TRPM3: variants seen among roughly 807,000 people sequenced by gnomAD.
The protein encoded by TRPM3 is transient receptor potential cation channel subfamily M member 3.
TRPM3 carries 77 observed loss-of-function variants against 181.2 expected under a neutral mutation model. The observed-to-expected ratio is 0.42, with a 90% CI of 0.35 to 0.51. TRPM3 has a LOEUF of 0.51. TRPM3 is among the 20% of genes least tolerant of loss of function. TRPM3 has a pLI of 0.01. For synonymous variants in TRPM3, 745 were observed against 796.4 expected (o/e 0.94, Z 1.09); for missense variants, 1,759 against 2,196.7 (o/e 0.80, Z 3.98).
intron 21 of TRPM3, among the ~76,000 whole-genome samples, chr9:70,597,855 A>G (rs2059292209): frequency 6.6e-6 from 1 of 152,218 alleles, no homozygotes; most frequent in African/African-American, 2.4e-5. Context: ...AATCAGCACA[A>G]ATAAATTATG....
At chr9:70,595,474 T>A (rs946336646) in intron 21 of TRPM3, among the ~76,000 whole-genome samples, 1 of 152,184 alleles carries the variant, frequency 6.6e-6, no homozygotes, top group Non-Finnish European at 1.5e-5. Flanking sequence ...AAATATCCTA[T>A]GATACACAGG....
chr9:70,602,383 A>G (rs904732053), intron 20 of TRPM3, among the ~76,000 whole-genome samples: 2 of 152,024 alleles, frequency 1.3e-5, no homozygotes, highest in East Asian at 1.9e-4. Context: ...GAAGTTGTGG[A>G]TTTGTAGGAG....
chr9:71,331,646 G>A (rs2090119802), intron 1 of TRPM3, among the ~76,000 whole-genome samples: 1 of 149,188 alleles, frequency 6.7e-6, no homozygotes, highest in Non-Finnish European at 1.5e-5. Context: ...AAAGGAGGAG[G>A]AAGAAGAGGA....
intron 1 of TRPM3, among the ~76,000 whole-genome samples, chr9:71,389,350 G>A (rs918929787): frequency 6.6e-6 from 1 of 151,810 alleles, no homozygotes; most frequent in Non-Finnish European, 1.5e-5. Flanking sequence ...TCGTGTGGAT[G>A]CGGTGATCAG....
At chr9:70,913,228 A>C (rs1414488024) in intron 1 of TRPM3, among the ~76,000 whole-genome samples, 1 of 152,180 alleles carries the variant, frequency 6.6e-6, no homozygotes, top group Non-Finnish European at 1.5e-5. Context: ...TTCCTCTGAC[A>C]TCATTCTGAG....
intron 1 of TRPM3, among the ~76,000 whole-genome samples, chr9:71,060,591 A>G (rs985824162): frequency 1.2e-4 from 19 of 152,222 alleles, no homozygotes; most frequent in Admixed American, 1.2e-3. Flanking sequence ...TTACTGTGCA[A>G]TTGTAAGATT....
At position 70,537,194 on chromosome 9, in the gene TRPM3, T is replaced by C. The variant is rs141432142; in HGVS notation, c.3919A>G (p.Ile1307Val). The change falls in exon 26 of 26, where the codon ATT (isoleucine) becomes GTT (valine). Residue 1307 changes from isoleucine (I) to valine (V), a missense_variant. Ile to Val is a conservative substitution (Grantham distance 29, BLOSUM62 3). Around this residue, in one of 8 missense-constraint regions of TRPM3, gnomAD observed 612 missense variants for 590.0 expected, o/e 1.04. Transcript: ENST00000677713. ...TSSDCTDAAY[I>V]VRQSSFNSQE... ...CTGTTGAAGCTGCTCTGACGGACAA[T>C]GTAGGCGGCGTCCGTGCAGTCTGAC... 1.2e-5 allele frequency: 19 copies of C among 1,594,752 alleles called. No homozygotes were observed. The highest frequency in any genetic ancestry group is 1.2e-5 in the Non-Finnish European group (14 of 1,166,100).
intron 15 of TRPM3, 42 bp from the exon 16 acceptor site, chr9:70,620,407 A>G (rs1404487702): frequency 1.9e-6 from 3 of 1,565,564 alleles, no homozygotes; most frequent in Non-Finnish European, 2.6e-6. Context: ...TTAGAAATGA[A>G]TTGGTTCATT....
chr9:70,871,470 T>C (rs2095788827), intron 1 of TRPM3, among the ~76,000 whole-genome samples: 1 of 151,984 alleles, frequency 6.6e-6, no homozygotes, highest in Non-Finnish European at 1.5e-5. Context: ...CAATAGAGAA[T>C]AGAATAAGAG....
intron 17 of TRPM3, among the ~76,000 whole-genome samples, chr9:70,618,064 T>C (rs1175898160): frequency 1.3e-5 from 2 of 152,212 alleles, no homozygotes; most frequent in Admixed American, 1.3e-4. Context: ...CCATATTCTT[T>C]CAGTCTTCCA....
rs530019539 is a variant in TRPM3 at position 71,310,006 on chromosome 9, T to C, written c.183+136647A>G. 2.0e-5 allele frequency among the ~76,000 whole-genome samples: 3 copies of C among 152,236 alleles called. No homozygotes were observed. In the South Asian group the frequency reaches 6.2e-4, roughly 32 times the overall value. On this transcript the variant is annotated intron_variant, in intron 1 of 24. Transcript: ENST00000357533. The stretch of plus-strand genomic sequence containing the variant: ...TTTCATAAATGAAACAGGTGTAACA[T>C]ATTAAGGCAGATAGCAAAAATCCTA...
intron 9 of TRPM3, among the ~76,000 whole-genome samples, chr9:70,679,023 G>A (rs974410091): frequency 4.6e-5 from 7 of 152,182 alleles, no homozygotes; most frequent in Non-Finnish European, 1.0e-4. Context: ...TAATGTTCAT[G>A]ATGGTGATTA....
intron 1 of TRPM3, among the ~76,000 whole-genome samples, chr9:71,078,055 C>T (rs2063717638): frequency 6.6e-6 from 1 of 151,960 alleles, no homozygotes. Flanking sequence ...TCTAGAAAAT[C>T]ATCATACACA....
chr9:71,316,611 A>G lies in TRPM3; in HGVS notation c.183+130042T>C, dbSNP rs1416519650. 2.0e-5 allele frequency among the ~76,000 whole-genome samples: 3 copies of G among 152,234 alleles called. No homozygotes were observed. The East Asian group carries it at 5.8e-4, about 29-fold the overall frequency. On this transcript the variant is annotated intron_variant, in intron 1 of 24. Coordinates refer to the TRPM3 transcript ENST00000357533. ...TGCTGTCTTTGAAGATGGAAGGAGG[A>G]GGCCATAAGCCAAGGAATGAAGGCG...
At chr9:71,325,169 A>G (rs2089575398) in intron 1 of TRPM3, among the ~76,000 whole-genome samples, 1 of 152,188 alleles carries the variant, frequency 6.6e-6, no homozygotes, top group Admixed American at 6.5e-5. Context: ...TACAAGTAAC[A>G]AATACATTAT....
intron 1 of TRPM3, among the ~76,000 whole-genome samples, chr9:71,100,801 C>T (rs1284286858): frequency 6.6e-6 from 1 of 152,084 alleles, no homozygotes; most frequent in Non-Finnish European, 1.5e-5. Context: ...GCAAGAAAAC[C>T]CCTTTGCCTT....
intron 1 of TRPM3, among the ~76,000 whole-genome samples, chr9:71,137,345 A>G (rs2074830175): frequency 6.6e-6 from 1 of 152,250 alleles, no homozygotes; most frequent in Admixed American, 6.5e-5. Context: ...AAGAACTAAC[A>G]TCAAATACAA....
chr9:70,902,524 A>ATGAG (rs150275036), intron 1 of TRPM3, among the ~76,000 whole-genome samples: 3,025 of 152,372 alleles, frequency 0.02, 53 homozygotes, highest in East Asian at 0.049. Context: ...TTGCAATTCT[A>ATGAG]TGAGACAAGT....
chr9:70,842,402 T>C (rs1275778427), intron 5 of TRPM3, among the ~76,000 whole-genome samples: 1 of 149,948 alleles, frequency 6.7e-6, no homozygotes, highest in Non-Finnish European at 1.5e-5. Flanking sequence ...TTTTAAAAAA[T>C]TGCATATATT....
Sources: allele counts gnomAD v4.1 joint callset (sites outside exome capture counted in the v4.1 genomes callset), GRCh38; gene constraint gnomAD v4.1.1; regional missense constraint gnomAD v4.1.1; transcripts MANE v1.5; gene names NCBI Gene and HGNC (gene_info 2026-07-23, HGNC 2026-07-21).